KIF14: variants seen among roughly 807,000 people sequenced by gnomAD.
KIF14 encodes the protein kinesin family member 14, also known as kinesin-like protein KIF14.
Under a neutral mutation model 176.2 loss-of-function variants are expected in KIF14, and 98 were observed. The ratio of observed to expected loss-of-function variants is 0.56; its 90% CI spans 0.47 to 0.66. The LOEUF is 0.66. Among genes scored for constraint, KIF14 ranks in the 30% least tolerant of loss-of-function variants. The pLI, the probability that KIF14 is intolerant of heterozygous loss-of-function variation, is 0.00. For synonymous variants in KIF14, 566 were observed against 632.2 expected (o/e 0.90, Z 1.57); for missense variants, 1,751 against 1,920.4 (o/e 0.91, Z 1.65).
chr1:200,614,269 G>T, intron 4 of KIF14, 49 bp downstream of exon 4: 1 of 993,668 alleles, frequency 1.0e-6, no homozygotes, highest in Non-Finnish European at 1.6e-6. Flanking sequence ...AACTTGATTT[G>T]ACTATTTTCT....
intron 5 of KIF14, 107 bp from the exon 6 acceptor site, chr1:200,606,905 T>C: frequency 1.1e-6 from 1 of 943,794 alleles, no homozygotes; most frequent in Non-Finnish European, 1.6e-6. Flanking sequence ...GATTTGTCTT[T>C]ATTTTATCCA....
At chr1:200,607,760 G>A (rs1378466178) in intron 5 of KIF14, among the ~76,000 whole-genome samples, 3 of 152,068 alleles carry the variant, frequency 2.0e-5, no homozygotes, top group African/African-American at 7.2e-5. Context: ...GGAGTGCGGT[G>A]GTGAAATCTC....
intron 6 of KIF14, among the ~76,000 whole-genome samples, 164 bp downstream of exon 6, chr1:200,606,582 G>A (rs1659891470): frequency 6.6e-6 from 1 of 152,008 alleles, no homozygotes; most frequent in Non-Finnish European, 1.5e-5. Context: ...GAAAGAGAGG[G>A]AAAACCTAAT....
intron 25 of KIF14, among the ~76,000 whole-genome samples, chr1:200,561,661 C>A (rs772532814): frequency 6.6e-6 from 1 of 151,694 alleles, no homozygotes; most frequent in Non-Finnish European, 1.5e-5. Context: ...CAGTCAGAAC[C>A]AGAAAACATC....
intron 19 of KIF14, among the ~76,000 whole-genome samples, chr1:200,582,743 G>A (rs919472996): frequency 2.0e-5 from 3 of 152,098 alleles, no homozygotes; most frequent in Non-Finnish European, 4.4e-5. Context: ...CCAGCTACTC[G>A]GGAGGCTGAG....
chr1:200,569,555 A>C (rs1316517548), intron 23 of KIF14, among the ~76,000 whole-genome samples: 1 of 152,126 alleles, frequency 6.6e-6, no homozygotes, highest in Non-Finnish European at 1.5e-5. Context: ...ATTCATTTAC[A>C]AGCATCTATG....
At chr1:200,588,267 A>C (rs1658866489) in intron 18 of KIF14, among the ~76,000 whole-genome samples, 1 of 146,102 alleles carries the variant, frequency 6.8e-6, no homozygotes, top group Non-Finnish European at 1.5e-5. Flanking sequence ...TTTTTGACAG[A>C]GTCTTGCTCT....
At position 200,602,086 on chromosome 1, in the gene KIF14, A is replaced by C; in HGVS notation, c.1980-18T>G. 1 of 1,603,684 alleles carries C rather than the reference A, an allele frequency of 6.2e-7. No homozygotes were observed. The highest frequency in any genetic ancestry group is 1.1e-5 in the South Asian group (1 of 89,260). On this transcript the variant is annotated intron_variant, in intron 10 of 29. Transcript: ENST00000367350. ...TTAACAGCCTACAAGAAAAAAAGTCATAAGACTTTGCTTCTACAACAACTT... is the reference window on the plus strand; with the variant it reads ...TTAACAGCCTACAAGAAAAAAAGTCCTAAGACTTTGCTTCTACAACAACTT...
chr1:200,602,075 GAA>G lies in KIF14; in HGVS notation c.1980-9_1980-8del. 1 of 1,603,026 alleles carries G rather than the reference GAA, an allele frequency of 6.2e-7. No individual in the cohort carries two copies. Among genetic ancestry groups the G allele is most frequent in the South Asian group, 1.1e-5 (1 of 88,686 alleles). On this transcript the variant is annotated splice_polypyrimidine_tract_variant and splice_region_variant and intron_variant, in intron 10 of 29. Transcript: ENST00000367350. ...CAGACTTTCTTTTAACAGCCTACAAGAAAAAAAGTCATAAGACTTTGCTTCTA... is the reference window on the plus strand; with the variant it reads ...CAGACTTTCTTTTAACAGCCTACAAGAAAAAGTCATAAGACTTTGCTTCTA...
At chr1:200,581,130 AAAAG>A (rs1658424655) in intron 20 of KIF14, 67 bp downstream of exon 20, 1 of 782,754 alleles carries the variant, frequency 1.3e-6, no homozygotes, top group Non-Finnish European at 2.0e-6. Flanking sequence ...AAAAAAAAAA[AAAAG>A]AGAAACTAAA....
At position 200,584,143 on chromosome 1, in the gene KIF14, G is replaced by A. The variant is rs553719744; in HGVS notation, c.3241+1958C>T. The stretch of plus-strand genomic sequence containing the variant: ...TGAGGCAGGAGAATCACTTGAACCC[G>A]GGAGGCGGAGGTTGCAGTAAGCTGA... On this transcript the variant is annotated intron_variant, in intron 19 of 29. Transcript: ENST00000367350. Among the ~76,000 whole-genome samples the A allele has an allele frequency of 7.3e-5, 11 of 150,850 alleles. No homozygotes were observed. In the East Asian group the frequency reaches 1.8e-3, roughly 24 times the overall value.
chr1:200,564,229 C>T (rs1657317388), intron 25 of KIF14, among the ~76,000 whole-genome samples: 1 of 136,648 alleles, frequency 7.3e-6, no homozygotes, highest in African/African-American at 2.8e-5. Flanking sequence ...CACTGCACTC[C>T]AACCTGGGTG....
chr1:200,607,700 G>C (rs902239575), intron 5 of KIF14, among the ~76,000 whole-genome samples: 2 of 152,068 alleles, frequency 1.3e-5, no homozygotes, highest in African/African-American at 2.4e-5. Context: ...GAAGAAGACA[G>C]CTGACTTCCT....
At position 200,617,781 on chromosome 1, in the gene KIF14, G is replaced by C; in HGVS notation, c.943C>G (p.Gln315Glu). ...GCAAGAAAGGAACTTTTTGGTCTTT[G>C]TTTAACTTGAAGGTTAGACATTCTA... ...KNRMSNLQVK[Q>E]RPKSSFLANK... The change falls in exon 2 of 30, where the codon CAA (glutamine) becomes GAA (glutamate). Residue 315 changes from glutamine (Q) to glutamate (E), a missense_variant. By Grantham distance (29) the Gln-to-Glu change is conservative (BLOSUM62 2). Coordinates refer to ENST00000367350, the MANE Select transcript of KIF14 (RefSeq NM_014875.3). 1.2e-6 allele frequency: 2 copies of C among 1,614,134 alleles called. No homozygotes were observed. The highest frequency in any genetic ancestry group is 1.7e-6 in the Non-Finnish European group (2 of 1,179,994).
chr1:200,556,986 T>G (rs1422568129), intron 27 of KIF14, among the ~76,000 whole-genome samples: 1 of 152,126 alleles, frequency 6.6e-6, no homozygotes, highest in Non-Finnish European at 1.5e-5. Context: ...CAATGTGTTT[T>G]TACTTTTATT....
At chr1:200,600,988 T>C (rs1313088977) in intron 11 of KIF14, among the ~76,000 whole-genome samples, 1 of 152,282 alleles carries the variant, frequency 6.6e-6, no homozygotes, top group East Asian at 1.9e-4. Flanking sequence ...GCTCAAGCAA[T>C]TCTCCTGCCT....
intron 22 of KIF14, among the ~76,000 whole-genome samples, chr1:200,571,302 A>AG (rs1657774466): frequency 3.5e-5 from 5 of 141,224 alleles, no homozygotes; most frequent in African/African-American, 1.4e-4. Context: ...GCGACAGAGC[A>AG]AGACTCCATC....
chr1:200,557,106 C>T (rs149536168), intron 27 of KIF14, among the ~76,000 whole-genome samples: 15,923 of 152,172 alleles, frequency 0.1, 1,057 homozygotes, highest in Non-Finnish European at 0.13. Flanking sequence ...CAGGTTCAAG[C>T]GATTCTCCTG....
At chr1:200,573,502 C>G (rs925498445) in intron 22 of KIF14, among the ~76,000 whole-genome samples, 3 of 142,212 alleles carry the variant, frequency 2.1e-5, no homozygotes, top group Non-Finnish European at 4.5e-5. Flanking sequence ...GGCGCAATCT[C>G]GGCTCACTGC....
Sources: gnomAD v4.1 joint callset for allele counts (sites outside exome capture counted in the v4.1 genomes callset) on GRCh38, gnomAD v4.1.1 for gene constraint, MANE v1.5 for transcripts, NCBI Gene and HGNC (gene_info 2026-07-23, HGNC 2026-07-21) for gene names.